The following ABI1 variants were observed in gnomAD, a reference collection of about 807,000 sequenced individuals.
ABI1 encodes Abelson interactor 1.
In ABI1, 14 loss-of-function variants were observed where a neutral mutation model predicts 54.6. The ratio of observed to expected loss-of-function variants is 0.26; its 90% CI spans 0.17 to 0.40. The LOEUF (loss-of-function observed/expected upper bound fraction) is 0.40. Ranked by LOEUF, ABI1 falls within the 10% of genes least tolerant of loss-of-function variation. The probability of loss-of-function intolerance (pLI) is 1.00; values close to 1 mark genes in which losing one functional copy is unlikely to be tolerated. For missense variants in ABI1, 443 were observed against 598.3 expected, an observed-to-expected ratio of 0.74 and a Z score of 2.71; for synonymous variants, 194 against 209.3, an observed-to-expected ratio of 0.93 and a Z score of 0.63.
intron 8 of ABI1, among the ~76,000 whole-genome samples, chr10:26,757,139 T>C (rs527790896): frequency 6.6e-6 from 1 of 152,234 alleles, no homozygotes; most frequent in South Asian, 2.1e-4. Flanking sequence ...GCTGTGAAGA[T>C]ACTAATCATT....
At chr10:26,780,418 G>A (rs994661065) in intron 2 of ABI1, among the ~76,000 whole-genome samples, 1 of 152,122 alleles carries the variant, frequency 6.6e-6, no homozygotes, top group African/African-American at 2.4e-5. Context: ...ATATTTAGTA[G>A]AGACGAGGTC....
At chr10:26,759,962 C>T (rs1180331014) in intron 7 of ABI1, among the ~76,000 whole-genome samples, 1 of 151,482 alleles carries the variant, frequency 6.6e-6, no homozygotes, top group Non-Finnish European at 1.5e-5. Flanking sequence ...CTGACAGAAG[C>T]AGAAAATTTT....
intron 1 of ABI1, among the ~76,000 whole-genome samples, chr10:26,827,910 T>C (rs1229173611): frequency 1.3e-5 from 2 of 152,210 alleles, no homozygotes; most frequent in South Asian, 2.1e-4. Context: ...CTCTTTCTTA[T>C]GATTCATGTG....
chr10:26,836,775 C>A (rs1312546468), intron 1 of ABI1, among the ~76,000 whole-genome samples: 1 of 152,152 alleles, frequency 6.6e-6, no homozygotes, highest in African/African-American at 2.4e-5. Flanking sequence ...ACCCTAAATT[C>A]CTACCTTGGA....
chr10:26,764,713 G>A (rs1440191056), intron 7 of ABI1, among the ~76,000 whole-genome samples: 2 of 152,170 alleles, frequency 1.3e-5, no homozygotes. Flanking sequence ...CTGAACATGT[G>A]CAGACTTATT....
At chr10:26,843,468 AAAAAAAAAAAAAAAAAAATATATATAT>A (rs1386870157) in intron 1 of ABI1, among the ~76,000 whole-genome samples, 1,140 of 84,496 alleles carry the variant, frequency 0.013, 14 homozygotes, top group African/African-American at 0.046. Context: ...AAAAAAAAAA[AAAAAAAAAAAAAAAAAAATATATATAT>A]ATATATATAT....
intron 2 of ABI1, among the ~76,000 whole-genome samples, chr10:26,816,345 G>A (rs981309165): frequency 6.6e-6 from 1 of 152,170 alleles, no homozygotes; most frequent in Non-Finnish European, 1.5e-5. Flanking sequence ...CAGATATGCA[G>A]CCAGAAGAAT....
chr10:26,856,451 A>AAC (rs1467254564), intron 1 of ABI1, among the ~76,000 whole-genome samples: 1 of 150,602 alleles, frequency 6.6e-6, no homozygotes, highest in East Asian at 1.9e-4. Flanking sequence ...AAAAAAAAAA[A>AAC]AAAAAAAAAA....
At chr10:26,813,565 C>T (rs559764138) in intron 2 of ABI1, among the ~76,000 whole-genome samples, 1 of 152,276 alleles carries the variant, frequency 6.6e-6, no homozygotes, top group South Asian at 2.1e-4. Context: ...AGCAATAGTT[C>T]TCTGACTGAT....
chr10:26,763,728 C>A, intron 7 of ABI1: 1 of 606,800 alleles, frequency 1.6e-6, no homozygotes, highest in Non-Finnish European at 2.8e-6. Flanking sequence ...AGCCTTTCAC[C>A]AGAAGTTAGT....
intron 9 of ABI1, among the ~76,000 whole-genome samples, chr10:26,752,777 A>G (rs760689035): frequency 6.6e-6 from 1 of 152,180 alleles, no homozygotes; most frequent in Non-Finnish European, 1.5e-5. Context: ...AACTAGTATA[A>G]TATCAGGTAA....
intron 1 of ABI1, among the ~76,000 whole-genome samples, chr10:26,833,347 G>C (rs916352662): frequency 6.6e-6 from 1 of 151,970 alleles, no homozygotes; most frequent in African/African-American, 2.4e-5. Flanking sequence ...GTATCCCCAG[G>C]GTATTCCCAA....
intron 1 of ABI1, among the ~76,000 whole-genome samples, chr10:26,847,485 C>T (rs562479276): frequency 1.3e-5 from 2 of 151,854 alleles, no homozygotes; most frequent in African/African-American, 2.4e-5. Context: ...ATTAGCCAAG[C>T]GTGATGGTGC....
At chr10:26,841,598 C>A (rs1195629226) in intron 1 of ABI1, among the ~76,000 whole-genome samples, 1 of 152,064 alleles carries the variant, frequency 6.6e-6, no homozygotes, top group Non-Finnish European at 1.5e-5. Flanking sequence ...ATTCCCCACC[C>A]ACTTGCTCCT....
At chr10:26,835,779 T>TG (rs1402582142) in intron 1 of ABI1, among the ~76,000 whole-genome samples, 1 of 146,386 alleles carries the variant, frequency 6.8e-6, no homozygotes, top group Non-Finnish European at 1.5e-5. Context: ...TTACTAATAT[T>TG]TTTTTTTTTT....
intron 1 of ABI1, among the ~76,000 whole-genome samples, chr10:26,843,474 AAAAAAAAAAAAATATATATATATAT>A (rs1235586466): frequency 3.0e-5 from 2 of 66,000 alleles, no homozygotes; most frequent in South Asian, 1.4e-3. Flanking sequence ...AAAAAAAAAA[AAAAAAAAAAAAATATATATATATAT>A]ATATATATAT....
rs372089695 is a variant in ABI1 at position 26,795,088 on chromosome 10, G to A, written c.286-17847C>T. Among the ~76,000 whole-genome samples the A allele has an allele frequency of 4.0e-5, 6 of 151,322 alleles. No individual in the cohort carries two copies. In the South Asian group the frequency reaches 1.0e-3, roughly 26 times the overall value. On this transcript the variant is annotated intron_variant, in intron 2 of 10. Coordinates refer to ENST00000376140, the MANE Select transcript of ABI1 (RefSeq NM_001012750.3). ...GAACCAAGGAGGCGGAGATTGCAGT[G>A]AGCCAAGATCGCACCACTGCACTCC...
At chr10:26,796,019 G>A (rs1180469931) in intron 2 of ABI1, among the ~76,000 whole-genome samples, 1 of 151,882 alleles carries the variant, frequency 6.6e-6, no homozygotes, top group South Asian at 2.1e-4. Context: ...AGCTTCGTAG[G>A]TCTAAGCTGC....
chr10:26,770,436 T>C, intron 4 of ABI1, 91 bp from the exon 5 acceptor site: 2 of 1,248,576 alleles, frequency 1.6e-6, no homozygotes, highest in Admixed American at 1.7e-5. Context: ...AATATCAGAA[T>C]GTGAATTAAG....
Sources: allele counts gnomAD v4.1 joint callset (sites outside exome capture counted in the v4.1 genomes callset), GRCh38; gene constraint gnomAD v4.1.1; transcripts MANE v1.5; gene names NCBI Gene and HGNC (gene_info 2026-07-23, HGNC 2026-07-21).